Variants in PLCB1 observed in about 807,000 individuals in gnomAD.
PLCB1 encodes 1-phosphatidylinositol 4,5-bisphosphate phosphodiesterase beta-1.
In PLCB1, 46 loss-of-function variants were observed where a neutral mutation model predicts 161.8. The ratio of observed to expected loss-of-function variants is 0.28; its 90% CI spans 0.22 to 0.36. The LOEUF is 0.36. PLCB1 is among the 10% of genes least tolerant of loss of function. The pLI is 1.00. For synonymous variants in PLCB1, 517 were observed against 503.7 expected (o/e 1.03, Z -0.35); for missense variants, 1,016 against 1,472.5 (o/e 0.69, Z 5.07).
At chr20:8,184,769 T>TTTATTATTA (rs57793768) in intron 2 of PLCB1, among the ~76,000 whole-genome samples, 16,552 of 141,572 alleles carry the variant, frequency 0.12, 1,119 homozygotes, top group African/African-American at 0.17. Flanking sequence ...TGGCAATACC[T>TTTATTATTA]TTATTATTAT....
At chr20:8,866,607 A>G (rs1218781085) in intron 31 of PLCB1, among the ~76,000 whole-genome samples, 1 of 150,400 alleles carries the variant, frequency 6.6e-6, no homozygotes, top group Non-Finnish European at 1.5e-5. Context: ...TCTAGTTAGT[A>G]GAACTAGTTA....
chr20:8,740,220 A>G, intron 21 of PLCB1, 124 bp from the exon 22 acceptor site: 1 of 608,812 alleles, frequency 1.6e-6, no homozygotes, highest in Non-Finnish European at 2.9e-6. Context: ...ATTAAAATGA[A>G]AAAAGTGATT....
intron 3 of PLCB1, among the ~76,000 whole-genome samples, chr20:8,422,637 A>G (rs1979585861): frequency 6.6e-6 from 1 of 152,222 alleles, no homozygotes; most frequent in African/African-American, 2.4e-5. Flanking sequence ...AGATACAGCA[A>G]TGTGGGCTGT....
chr20:8,402,639 C>T (rs1302195209), intron 3 of PLCB1, among the ~76,000 whole-genome samples: 3 of 150,808 alleles, frequency 2.0e-5, no homozygotes, highest in African/African-American at 4.9e-5. Flanking sequence ...TGGAGACCAG[C>T]CTGGCTAACA....
chr20:8,856,645 AC>A (rs1987078548), intron 31 of PLCB1, among the ~76,000 whole-genome samples: 1 of 152,162 alleles, frequency 6.6e-6, no homozygotes, highest in African/African-American at 2.4e-5. Flanking sequence ...AAAGAGCCAG[AC>A]ACAAAAAAGT....
At chr20:8,811,996 A>G (rs1030625925) in intron 31 of PLCB1, among the ~76,000 whole-genome samples, 1 of 152,238 alleles carries the variant, frequency 6.6e-6, no homozygotes, top group Non-Finnish European at 1.5e-5. Flanking sequence ...ACTAGAAGAG[A>G]AGATCCTCAT....
chr20:8,461,996 A>G (rs1981600007), intron 3 of PLCB1, among the ~76,000 whole-genome samples: 1 of 151,918 alleles, frequency 6.6e-6, no homozygotes, highest in Non-Finnish European at 1.5e-5. Flanking sequence ...GTTTTTCTTG[A>G]GTATATTTGC....
At chr20:8,136,055 C>T (rs1054201302) in intron 1 of PLCB1, among the ~76,000 whole-genome samples, 20 of 152,152 alleles carry the variant, frequency 1.3e-4, no homozygotes, top group African/African-American at 4.8e-4. Context: ...CCCTGTTTTC[C>T]ATGCCTAAGC....
At chr20:8,518,470 A>G (rs1984225505) in intron 3 of PLCB1, among the ~76,000 whole-genome samples, 2 of 152,178 alleles carry the variant, frequency 1.3e-5, no homozygotes, top group Non-Finnish European at 2.9e-5. Context: ...GAGACTGAGT[A>G]TTCATTTCTA....
chr20:8,805,623 G>C (rs866753313), intron 31 of PLCB1, among the ~76,000 whole-genome samples: 1 of 152,178 alleles, frequency 6.6e-6, no homozygotes, highest in African/African-American at 2.4e-5. Context: ...CACCTTTAAA[G>C]CACATAACAT....
intron 3 of PLCB1, among the ~76,000 whole-genome samples, chr20:8,392,610 A>G (rs1046171363): frequency 2.0e-5 from 3 of 152,156 alleles, no homozygotes; most frequent in Non-Finnish European, 2.9e-5. Flanking sequence ...TCATGGAGCT[A>G]TTGGGAGAAC....
At chr20:8,715,526 G>A (rs1171611024) in intron 12 of PLCB1, among the ~76,000 whole-genome samples, 6 of 152,058 alleles carry the variant, frequency 3.9e-5, no homozygotes, top group African/African-American at 4.8e-5. Context: ...AGACCCTGTC[G>A]CTCAGCTCAG....
At chr20:8,408,560 T>G (rs749235243) in intron 3 of PLCB1, among the ~76,000 whole-genome samples, 3 of 152,222 alleles carry the variant, frequency 2.0e-5, no homozygotes, top group Non-Finnish European at 4.4e-5. Context: ...TAGACATCCC[T>G]TAGCAAATTC....
At chr20:8,158,652 G>A (rs1229362385) in intron 2 of PLCB1, among the ~76,000 whole-genome samples, 1 of 152,138 alleles carries the variant, frequency 6.6e-6, no homozygotes, top group East Asian at 1.9e-4. Context: ...CTGCCTATGA[G>A]CCTGTAAAAT....
intron 3 of PLCB1, among the ~76,000 whole-genome samples, chr20:8,587,634 A>G (rs1987030513): frequency 1.3e-5 from 2 of 152,374 alleles, no homozygotes; most frequent in Middle Eastern, 3.4e-3. Context: ...GGGGAGGAAT[A>G]TCACAGTTGT....
At chr20:8,144,334 C>T (rs961074232) in intron 1 of PLCB1, among the ~76,000 whole-genome samples, 1 of 152,096 alleles carries the variant, frequency 6.6e-6, no homozygotes, top group Non-Finnish European at 1.5e-5. Context: ...TTGGTTCTCT[C>T]GTGGATTATC....
chr20:8,630,014 TTCTTCTTTC>T (rs1988531297), intron 4 of PLCB1, among the ~76,000 whole-genome samples: 2 of 137,676 alleles, frequency 1.5e-5, no homozygotes, highest in Non-Finnish European at 3.2e-5. Context: ...TTCTTTCTCT[TTCTTCTTTC>T]CTTTCTTTCC....
chr20:8,710,798 T>C (rs1042967971), intron 12 of PLCB1, among the ~76,000 whole-genome samples: 4 of 152,044 alleles, frequency 2.6e-5, no homozygotes, highest in African/African-American at 9.7e-5. Context: ...GGCATACTTA[T>C]GTTCTTAAAG....
intron 3 of PLCB1, among the ~76,000 whole-genome samples, chr20:8,405,169 T>A (rs935188378): frequency 6.6e-6 from 1 of 152,208 alleles, no homozygotes; most frequent in Admixed American, 6.5e-5. Context: ...GGTTCATGTA[T>A]GTGTCTGTGG....
Sources: gnomAD v4.1 joint callset for allele counts (sites outside exome capture counted in the v4.1 genomes callset) on GRCh38, gnomAD v4.1.1 for gene constraint, MANE v1.5 for transcripts, NCBI Gene and HGNC (gene_info 2026-07-23, HGNC 2026-07-21) for gene names.